The following PDZRN4 variants were observed in gnomAD, a reference collection of about 807,000 sequenced individuals.
The protein encoded by PDZRN4 is PDZ domain containing ring finger 4, also known as PDZ domain-containing RING finger protein 4.
Under a neutral mutation model 99.0 loss-of-function variants are expected in PDZRN4, and 70 were observed. The observed-to-expected ratio is 0.71, with a 90% confidence interval of 0.58 to 0.86. PDZRN4 has a LOEUF of 0.86. Among genes scored for constraint, PDZRN4 ranks in the 40% least tolerant of loss-of-function variants. The probability of loss-of-function intolerance (pLI) is 0.00; values close to 1 mark genes in which losing one functional copy is unlikely to be tolerated. For synonymous variants in PDZRN4, 551 were observed against 501.6 expected, an observed-to-expected ratio of 1.10 and a Z score of -1.32; for missense variants, 1,474 against 1,331.2, an observed-to-expected ratio of 1.11 and a Z score of -1.67.
intron 3 of PDZRN4, among the ~76,000 whole-genome samples, chr12:41,403,661 C>T (rs1216062240): frequency 2.0e-5 from 3 of 152,148 alleles, no homozygotes; most frequent in East Asian, 3.9e-4. Flanking sequence ...TTTGGCTTTA[C>T]ATTTCAATTA....
At position 41,188,837 on chromosome 12, in the gene PDZRN4, C is replaced by A; in HGVS notation, c.382C>A (p.Pro128Thr). The stretch of plus-strand genomic sequence containing the variant: ...TTCGGGGCTGGGCGGTGGTGAGGTG[C>A]CCGCGCGGGGGGGCTGCGGTCCGAC... ...CASGLGGGEV[P>T]ARGGCGPTPR... Residue 128 changes from proline (P) to threonine (T), a missense_variant, in exon 1 of 10, where the codon CCC becomes ACC. Physicochemically the swap from Pro to Thr is conservative, Grantham distance 38. Transcript: ENST00000402685. The A allele has an allele frequency of 7.8e-7, 1 of 1,275,810 alleles. No homozygotes were observed. The highest frequency in any genetic ancestry group is 9.9e-7 in the Non-Finnish European group (1 of 1,012,906). 79.0% of individuals were successfully genotyped at this position (1,275,810 alleles called of 1,614,324 possible).
At chr12:41,257,318 A>G (rs1951210213) in intron 3 of PDZRN4, among the ~76,000 whole-genome samples, 1 of 152,180 alleles carries the variant, frequency 6.6e-6, no homozygotes, top group South Asian at 2.1e-4. Context: ...GTTTCCTCAC[A>G]TGGTGGAAGA....
Position 41,573,651 on chromosome 12 carries a change from C to A in PDZRN4, c.2872C>A (p.Arg958Ser), listed in dbSNP as rs1939524849. Residue 958 changes from arginine to serine, a missense_variant, in exon 10 of 10, where the codon CGT becomes AGT. Arg to Ser is a moderately radical substitution (Grantham distance 110). Coordinates refer to ENST00000402685, the MANE Select transcript of PDZRN4 (RefSeq NM_001164595.2). ...QHLVRAKEQRRRREFMMRSRL... is the reference protein window; with the variant it reads ...QHLVRAKEQRSRREFMMRSRL... ...CCTGGTTAGGGCCAAAGAGCAGCGC[C>A]GTCGCCGTGAGTTCATGATGCGAAG... is the stretch of plus-strand genomic sequence containing the variant. 1 of 1,613,998 alleles carries A rather than the reference C, an allele frequency of 6.2e-7. No homozygotes were observed. Among genetic ancestry groups the A allele is most frequent in the Non-Finnish European group, 8.5e-7 (1 of 1,180,000 alleles).
At position 41,555,690 on chromosome 12, in the gene PDZRN4, C is replaced by T. The variant is rs917148053; in HGVS notation, c.1303-8C>T. 1 of 1,612,344 alleles carries T rather than the reference C, an allele frequency of 6.2e-7. No homozygotes were observed. The highest frequency in any genetic ancestry group is 8.5e-7 in the Non-Finnish European group (1 of 1,178,444). ...CCCAGTTGAAGATGTATGTCCTCTT[C>T]ATTACAGGTTGACCCAAATAGCATT... On this transcript the variant is annotated splice_region_variant and splice_polypyrimidine_tract_variant and intron_variant, in intron 6 of 9. Coordinates refer to ENST00000402685, the MANE Select transcript of PDZRN4 (RefSeq NM_001164595.2).
chr12:41,254,163 T>A (rs956215650), intron 3 of PDZRN4, among the ~76,000 whole-genome samples: 2 of 151,998 alleles, frequency 1.3e-5, no homozygotes, highest in African/African-American at 4.8e-5. Flanking sequence ...AAAGTAAAAC[T>A]ATTTCAAAGG....
At chr12:41,342,536 C>A (rs1951825840) in intron 3 of PDZRN4, among the ~76,000 whole-genome samples, 1 of 149,664 alleles carries the variant, frequency 6.7e-6, no homozygotes, top group South Asian at 2.1e-4. Context: ...TTTAAATGAG[C>A]AAATGATCTC....
chr12:41,487,120 G>A (rs1937793163), intron 3 of PDZRN4, among the ~76,000 whole-genome samples: 1 of 151,896 alleles, frequency 6.6e-6, no homozygotes, highest in African/African-American at 2.4e-5. Flanking sequence ...AAAATTAATT[G>A]AAGTATTTTT....
intron 5 of PDZRN4, among the ~76,000 whole-genome samples, chr12:41,533,703 C>A (rs1055295215): frequency 3.9e-5 from 6 of 152,100 alleles, no homozygotes; most frequent in Admixed American, 3.9e-4. Context: ...TTTTGTATAG[C>A]TGGATTATTA....
At chr12:41,250,675 G>A (rs985880286) in intron 3 of PDZRN4, among the ~76,000 whole-genome samples, 1 of 152,200 alleles carries the variant, frequency 6.6e-6, no homozygotes, top group Non-Finnish European at 1.5e-5. Flanking sequence ...GAACTGGAAG[G>A]TAGATGCCTA....
chr12:41,469,019 A>T (rs1952960022), intron 3 of PDZRN4, among the ~76,000 whole-genome samples: 1 of 152,082 alleles, frequency 6.6e-6, no homozygotes, highest in South Asian at 2.1e-4. Flanking sequence ...AAAAAAAAAA[A>T]AAAAATTGTT....
intron 5 of PDZRN4, among the ~76,000 whole-genome samples, chr12:41,530,925 G>T (rs1002879754): frequency 6.6e-6 from 1 of 152,076 alleles, no homozygotes; most frequent in African/African-American, 2.4e-5. Flanking sequence ...GTGCCCTGCT[G>T]CTCAAACCCC....
intron 3 of PDZRN4, among the ~76,000 whole-genome samples, chr12:41,428,632 G>A: frequency 6.6e-6 from 1 of 152,310 alleles, no homozygotes; most frequent in East Asian, 1.9e-4. Context: ...GTGTGCAAGT[G>A]TATATGTATG....
intron 3 of PDZRN4, among the ~76,000 whole-genome samples, chr12:41,427,990 A>G (rs1205837584): frequency 6.6e-6 from 1 of 152,138 alleles, no homozygotes; most frequent in Non-Finnish European, 1.5e-5. Context: ...TAGGAGGCTG[A>G]GGCAGGAGAA....
intron 3 of PDZRN4, among the ~76,000 whole-genome samples, chr12:41,443,585 T>G (rs1391315320): frequency 6.6e-6 from 1 of 152,004 alleles, no homozygotes; most frequent in Non-Finnish European, 1.5e-5. Context: ...CAATTGGGCT[T>G]GATTTGGGGA....
At chr12:41,530,967 G>A (rs979717115) in intron 5 of PDZRN4, among the ~76,000 whole-genome samples, 1 of 151,974 alleles carries the variant, frequency 6.6e-6, no homozygotes, top group African/African-American at 2.4e-5. Flanking sequence ...AGGCTGTGGG[G>A]CTTCCACCCC....
intron 3 of PDZRN4, among the ~76,000 whole-genome samples, chr12:41,268,419 C>T (rs1350588134): frequency 3.3e-5 from 5 of 152,220 alleles, no homozygotes; most frequent in Admixed American, 3.3e-4. Flanking sequence ...AGCAAGACAA[C>T]AGAGATGGCA....
intron 3 of PDZRN4, among the ~76,000 whole-genome samples, chr12:41,478,500 A>C (rs1030538834): frequency 8.5e-5 from 13 of 152,152 alleles, no homozygotes; most frequent in African/African-American, 3.1e-4. Flanking sequence ...TTACAAAAAA[A>C]TAAAAGAGCA....
At chr12:41,330,704 A>C (rs930340758) in intron 3 of PDZRN4, among the ~76,000 whole-genome samples, 7 of 152,108 alleles carry the variant, frequency 4.6e-5, no homozygotes, top group African/African-American at 1.7e-4. Context: ...GTGAAGAAAT[A>C]CATTCAAAAT....
chr12:41,194,322 A>G (rs3847980), intron 3 of PDZRN4, 134 bp downstream of exon 3: 408,358 of 625,880 alleles, frequency 0.65, 133,815 homozygotes, highest in Admixed American at 0.7. Flanking sequence ...AGGCATTATC[A>G]TTTTTACTTT....
Sources: gnomAD v4.1 joint callset for allele counts (sites outside exome capture counted in the v4.1 genomes callset) on GRCh38, gnomAD v4.1.1 for gene constraint, MANE v1.5 for transcripts, NCBI Gene and HGNC (gene_info 2026-07-23, HGNC 2026-07-21) for gene names.